ATRNL1: variants seen among roughly 807,000 people sequenced by gnomAD.
ATRNL1 encodes the protein attractin-like protein 1.
A neutral mutation model predicts 182.7 loss-of-function variants in ATRNL1; 95 were observed. That is an observed-to-expected ratio of 0.52 (90% confidence interval 0.44 to 0.62). The LOEUF (loss-of-function observed/expected upper bound fraction) is 0.62, where lower values mean the gene tolerates loss of function less well. ATRNL1 is among the 20% of genes least tolerant of loss of function. The pLI, the probability that ATRNL1 is intolerant of heterozygous loss-of-function variation, is 0.00. For synonymous variants in ATRNL1, 576 were observed against 568.3 expected (o/e 1.01, Z -0.19); for missense variants, 1,471 against 1,679.5 (o/e 0.88, Z 2.17).
intron 27 of ATRNL1, among the ~76,000 whole-genome samples, chr10:115,845,750 C>T (rs1341131743): frequency 6.6e-6 from 1 of 151,336 alleles, no homozygotes; most frequent in Non-Finnish European, 1.5e-5. Flanking sequence ...TCAGTTAATA[C>T]ACTGAGAGTT....
At chr10:115,521,040 C>T (rs1850899968) in intron 25 of ATRNL1, among the ~76,000 whole-genome samples, 1 of 152,048 alleles carries the variant, frequency 6.6e-6, no homozygotes, top group Non-Finnish European at 1.5e-5. Context: ...CTTCAGAAAA[C>T]AAATGAATTT....
chr10:115,510,615 T>C (rs1454649413), intron 24 of ATRNL1, among the ~76,000 whole-genome samples: 2 of 152,062 alleles, frequency 1.3e-5, no homozygotes, highest in African/African-American at 2.4e-5. Context: ...GTTACTGTTA[T>C]ATGCACTGGG....
At chr10:115,243,410 A>G (rs1462714808) in intron 10 of ATRNL1, among the ~76,000 whole-genome samples, 3 of 152,064 alleles carry the variant, frequency 2.0e-5, no homozygotes, top group Non-Finnish European at 2.9e-5. Flanking sequence ...ATTTCCTTCT[A>G]TGTGCTAGGT....
intron 27 of ATRNL1, among the ~76,000 whole-genome samples, chr10:115,839,609 C>T (rs1950756890): frequency 6.6e-6 from 1 of 152,130 alleles, no homozygotes; most frequent in Non-Finnish European, 1.5e-5. Context: ...TCCTAGTCAT[C>T]TTCTGCAAGG....
At position 115,257,715 on chromosome 10, in the gene ATRNL1, T is replaced by C. The variant is rs1254448025; in HGVS notation, c.1688-7478T>C. Among the ~76,000 whole-genome samples the C allele has an allele frequency of 2.0e-5, 3 of 152,340 alleles. No homozygotes were observed. The East Asian group carries it at 5.8e-4, about 29-fold the overall frequency. ...TTCTTTGTAGCATCTATGGTCTTTGTAATTTAGCATGTTTTTGCAATGGCT... is the reference window on the plus strand; with the variant it reads ...TTCTTTGTAGCATCTATGGTCTTTGCAATTTAGCATGTTTTTGCAATGGCT... On this transcript the variant is annotated intron_variant, in intron 10 of 28. Coordinates refer to ENST00000355044, the MANE Select transcript of ATRNL1 (RefSeq NM_207303.4).
intron 19 of ATRNL1, among the ~76,000 whole-genome samples, chr10:115,372,980 T>C (rs1246160457): frequency 5.3e-5 from 8 of 152,110 alleles, no homozygotes; most frequent in Non-Finnish European, 1.2e-4. Flanking sequence ...CCTGAGAAAA[T>C]GAATTCTTTT....
chr10:115,387,069 A>G (rs1246206277), intron 19 of ATRNL1, among the ~76,000 whole-genome samples: 1 of 147,058 alleles, frequency 6.8e-6, no homozygotes, highest in Non-Finnish European at 1.5e-5. Flanking sequence ...CATATACACC[A>G]TGGAATACTA....
intron 20 of ATRNL1, among the ~76,000 whole-genome samples, chr10:115,400,433 A>G (rs1332137794): frequency 3.9e-5 from 6 of 152,056 alleles, no homozygotes; most frequent in African/African-American, 1.2e-4. Flanking sequence ...TTTTGAGTGG[A>G]GAGTTCTGCC....
In ATRNL1 at chr10:115,783,592, C is replaced by A. The variant is rs139856476; in HGVS notation, c.3903+56237C>A. On this transcript the variant is annotated intron_variant, in intron 27 of 28. Transcript: ENST00000355044. ...CACATTTAAGATATTATTGAGATAACCTTTGAGTTTTCACATTCAAATATA... is the reference window on the plus strand; with the variant it reads ...CACATTTAAGATATTATTGAGATAAACTTTGAGTTTTCACATTCAAATATA... Among the ~76,000 whole-genome samples, 1,127 of 152,246 alleles carry A rather than the reference C, an allele frequency of 7.4e-3. 11 individuals carry two copies. Among genetic ancestry groups the A allele is most frequent in the African/African-American group, 0.015 (625 of 41,538 alleles).
chr10:115,492,329 T>C (rs1349460149), intron 24 of ATRNL1, among the ~76,000 whole-genome samples: 1 of 152,146 alleles, frequency 6.6e-6, no homozygotes, highest in Non-Finnish European at 1.5e-5. Context: ...TGGGCATTCG[T>C]CCTTGCCTTC....
chr10:115,253,239 C>A (rs956711527), intron 10 of ATRNL1, among the ~76,000 whole-genome samples: 1 of 152,174 alleles, frequency 6.6e-6, no homozygotes, highest in Non-Finnish European at 1.5e-5. Flanking sequence ...TAACCTTAGT[C>A]AACCCTGTAA....
chr10:115,934,821 A>G (rs1555122498), intron 28 of ATRNL1, among the ~76,000 whole-genome samples: 1 of 152,146 alleles, frequency 6.6e-6, no homozygotes, highest in Admixed American at 6.5e-5. Context: ...TGTAACACCT[A>G]AGGCCACTTT....
intron 1 of ATRNL1, among the ~76,000 whole-genome samples, chr10:115,111,870 A>G (rs1257616750): frequency 1.3e-5 from 2 of 152,158 alleles, no homozygotes; most frequent in African/African-American, 4.8e-5. Context: ...TTTCACCTCA[A>G]AATTAAATTA....
At chr10:115,198,055 C>A (rs139010004) in intron 8 of ATRNL1, among the ~76,000 whole-genome samples, 2 of 152,198 alleles carry the variant, frequency 1.3e-5, no homozygotes, top group East Asian at 3.9e-4. Context: ...ATTGCTGGGC[C>A]ATACGGTAGT....
chr10:115,254,059 A>C (rs1219229513), intron 10 of ATRNL1, among the ~76,000 whole-genome samples: 2 of 152,186 alleles, frequency 1.3e-5, no homozygotes, highest in African/African-American at 2.4e-5. Flanking sequence ...GGTTGGTTCC[A>C]AGCCTTTGCT....
At chr10:115,302,107 A>G (rs1679930386) in intron 17 of ATRNL1, 64 bp downstream of exon 17, 4 of 1,357,656 alleles carry the variant, frequency 2.9e-6, no homozygotes, top group South Asian at 1.6e-5. Context: ...TCTGTGATGT[A>G]AAGAAGAATT....
intron 4 of ATRNL1, 110 bp from the exon 5 acceptor site, chr10:115,129,217 A>G (rs541276337): frequency 2.8e-6 from 2 of 714,526 alleles, no homozygotes; most frequent in Admixed American, 5.4e-5. Context: ...ATTCTGTTAC[A>G]TTTATAAGCA....
chr10:115,563,174 G>A (rs1182544677), intron 26 of ATRNL1, among the ~76,000 whole-genome samples: 3 of 152,162 alleles, frequency 2.0e-5, no homozygotes, highest in Middle Eastern at 3.4e-3. Context: ...TCTGGTGAGC[G>A]CCTGTTAAAG....
intron 2 of ATRNL1, among the ~76,000 whole-genome samples, chr10:115,121,175 C>T (rs1228766732): frequency 3.3e-5 from 5 of 151,954 alleles, no homozygotes; most frequent in East Asian, 3.9e-4. Flanking sequence ...TGCGGTGGTG[C>T]GATCTCGGCT....
Sources: gnomAD v4.1 joint callset for allele counts (sites outside exome capture counted in the v4.1 genomes callset) on GRCh38, gnomAD v4.1.1 for gene constraint, MANE v1.5 for transcripts, NCBI Gene and HGNC (gene_info 2026-07-23, HGNC 2026-07-21) for gene names.